The following KAT6A variants were observed in gnomAD, a reference collection of about 807,000 sequenced individuals.
The protein encoded by KAT6A is lysine acetyltransferase 6A, also known as histone acetyltransferase KAT6A.
A neutral mutation model predicts 198.4 loss-of-function variants in KAT6A; 9 were observed. That is an observed-to-expected ratio of 0.05 (90% confidence interval 0.03 to 0.08). The LOEUF is 0.08. KAT6A is among the 10% of genes least tolerant of loss of function. The pLI, the probability that KAT6A is intolerant of heterozygous loss-of-function variation, is 1.00. For missense variants in KAT6A, 2,077 were observed against 2,509.9 expected, an observed-to-expected ratio of 0.83 and a Z score of 3.69; for synonymous variants, 890 against 883.0, an observed-to-expected ratio of 1.01 and a Z score of -0.14.
At chr8:41,960,171 T>A (rs1823130194) in intron 8 of KAT6A, among the ~76,000 whole-genome samples, 1 of 152,062 alleles carries the variant, frequency 6.6e-6, no homozygotes, top group Non-Finnish European at 1.5e-5. Flanking sequence ...TTGGGAGTTG[T>A]TTAATGGGTA....
At chr8:41,955,472 A>G in intron 8 of KAT6A, 61 bp from the exon 9 acceptor site, 2 of 1,050,138 alleles carry the variant, frequency 1.9e-6, no homozygotes, top group South Asian at 1.3e-5. Flanking sequence ...GATAACAAAG[A>G]AAGTTCTGAA....
intron 1 of KAT6A, among the ~76,000 whole-genome samples, chr8:42,051,443 G>C (rs1054745667): frequency 1.1e-4 from 17 of 149,642 alleles, no homozygotes; most frequent in African/African-American, 2.4e-5. Context: ...CGCGAGCGCG[G>C]GGAGAAGCGG....
chr8:42,000,314 G>T (rs1825424449), intron 2 of KAT6A, among the ~76,000 whole-genome samples: 1 of 152,194 alleles, frequency 6.6e-6, no homozygotes, highest in African/African-American at 2.4e-5. Context: ...ACTTTGGGAG[G>T]CTGATGCGGG....
intron 8 of KAT6A, among the ~76,000 whole-genome samples, chr8:41,960,761 C>T (rs1268549210): frequency 6.6e-6 from 1 of 152,038 alleles, no homozygotes; most frequent in African/African-American, 2.4e-5. Flanking sequence ...CTTTTCCATC[C>T]GGAGGACCCA....
chr8:42,011,385 T>C (rs1826008815), intron 2 of KAT6A, among the ~76,000 whole-genome samples: 1 of 152,150 alleles, frequency 6.6e-6, no homozygotes, highest in Admixed American at 6.5e-5. Flanking sequence ...TTCAATAGAC[T>C]AGTAAATGAG....
chr8:42,045,702 G>T (rs930117331), intron 2 of KAT6A, among the ~76,000 whole-genome samples: 24 of 151,844 alleles, frequency 1.6e-4, no homozygotes, highest in African/African-American at 5.8e-4. Context: ...GCCAGGTGCG[G>T]TGGATCATTC....
At chr8:41,971,788 T>C (rs1002503041) in intron 8 of KAT6A, among the ~76,000 whole-genome samples, 4 of 151,930 alleles carry the variant, frequency 2.6e-5, no homozygotes, top group African/African-American at 7.3e-5. Flanking sequence ...GAGGCAATTA[T>C]AGCAGCCTAA....
intron 2 of KAT6A, among the ~76,000 whole-genome samples, chr8:42,045,744 G>A (rs1056059543): frequency 6.6e-6 from 1 of 151,260 alleles, no homozygotes; most frequent in East Asian, 1.9e-4. Flanking sequence ...AGACCGAGGT[G>A]GGCAGGTCGC....
At chr8:42,024,659 C>T (rs1245558678) in intron 2 of KAT6A, among the ~76,000 whole-genome samples, 1 of 152,116 alleles carries the variant, frequency 6.6e-6, no homozygotes, top group Non-Finnish European at 1.5e-5. Context: ...GTTTTTACTC[C>T]CACATATAAG....
At position 41,930,157 on chromosome 8, in the gene KAT6A, C is replaced by T. The variant is rs775515458; in HGVS notation, c.*2048G>A. 8.7e-6 allele frequency: 2 copies of T among 230,666 alleles called. No homozygotes were observed. Among genetic ancestry groups the T allele is most frequent in the Non-Finnish European group, 1.7e-5 (2 of 117,276 alleles). The allele number at this position is 230,666 out of a possible 1,614,324, so 14.3% of individuals were successfully genotyped here. A position where few individuals can be genotyped will look rare whatever the true frequency, so the allele number is the denominator to read the frequency against. Reference sequence around the variant, plus strand: ...AGAAACAAACAAAACCAAACACAACCGCAAACCAACAGAAACTGATTTCAC... The same window carrying T: ...AGAAACAAACAAAACCAAACACAACTGCAAACCAACAGAAACTGATTTCAC... On this transcript the variant is annotated 3_prime_UTR_variant, in exon 17 of 17. Transcript: ENST00000265713.
intron 15 of KAT6A, 150 bp downstream of exon 15, chr8:41,940,692 C>G: frequency 1.1e-6 from 1 of 924,930 alleles, no homozygotes; most frequent in East Asian, 2.4e-5. Context: ...CTGGGAAGAT[C>G]TTGAGCTACA....
intron 8 of KAT6A, among the ~76,000 whole-genome samples, chr8:41,966,078 T>C (rs1324434488): frequency 6.6e-6 from 1 of 152,158 alleles, no homozygotes; most frequent in African/African-American, 2.4e-5. Flanking sequence ...GTTGGGCAAG[T>C]CACTATCAGA....
At chr8:42,040,402 T>A (rs1234981010) in intron 2 of KAT6A, among the ~76,000 whole-genome samples, 3 of 152,086 alleles carry the variant, frequency 2.0e-5, no homozygotes, top group African/African-American at 7.2e-5. Context: ...AAGAGTAAAG[T>A]ACTTATTCGC....
At chr8:41,935,404 G>T (rs1479540256) in intron 16 of KAT6A, among the ~76,000 whole-genome samples, 1 of 152,068 alleles carries the variant, frequency 6.6e-6, no homozygotes, top group African/African-American at 2.4e-5. Flanking sequence ...CATCGTATGT[G>T]AACAGTTGTT....
rs191157111 is a variant in KAT6A at position 41,963,733 on chromosome 8, T to A, written c.1483-8322A>T. Among the ~76,000 whole-genome samples, 311 of 151,868 alleles carry A rather than the reference T, an allele frequency of 2.0e-3. 1 individual carries two copies. The highest frequency in any genetic ancestry group is 3.3e-3 in the Non-Finnish European group (222 of 68,022). On this transcript the variant is annotated intron_variant, in intron 8 of 16. Transcript: ENST00000265713. ...TTTTTAGAAATTCTTTAGCAGTTCC[T>A]CAAGAGCTATTTAGCTACTACTTAA...
At chr8:41,938,763 T>C (rs970405585) in intron 15 of KAT6A, among the ~76,000 whole-genome samples, 5 of 151,824 alleles carry the variant, frequency 3.3e-5, no homozygotes, top group Admixed American at 1.3e-4. Flanking sequence ...CTGAGCAACA[T>C]AGCGAAACCC....
At chr8:41,940,198 G>A (rs2150860801) in intron 15 of KAT6A, among the ~76,000 whole-genome samples, 1 of 152,318 alleles carries the variant, frequency 6.6e-6, no homozygotes, top group South Asian at 2.1e-4. Context: ...GATGTTTCTG[G>A]TAAACGGCTT....
chr8:42,012,509 C>A (rs1307113317), intron 2 of KAT6A, among the ~76,000 whole-genome samples: 2 of 152,118 alleles, frequency 1.3e-5, no homozygotes, highest in African/African-American at 2.4e-5. Context: ...TGTGAAGAGG[C>A]AGAGATGGGA....
chr8:42,048,509 G>T lies in KAT6A; in HGVS notation c.469C>A (p.His157Asn). 6.2e-7 allele frequency: 1 copy of T among 1,614,114 alleles called. No homozygotes were observed. The highest frequency in any genetic ancestry group is 8.5e-7 in the Non-Finnish European group (1 of 1,180,026). Residue 157 changes from histidine to asparagine, a missense_variant, in exon 2 of 17, where the codon CAC becomes AAC. This residue lies in a region of KAT6A where 185 missense variants were observed against 185.7 expected (regional missense o/e 1.00). Transcript: ENST00000265713. ...GGTCCATCTTTAAGGAGTCTGCCGT[G>T]GCCAATGGCACGTTTGATAGCCAAT... ...LRLAIKRAIG[H>N]GRLLKDGPLY...
Sources: allele counts gnomAD v4.1 joint callset (sites outside exome capture counted in the v4.1 genomes callset), GRCh38; gene constraint gnomAD v4.1.1; regional missense constraint gnomAD v4.1.1; transcripts MANE v1.5; gene names NCBI Gene and HGNC (gene_info 2026-07-23, HGNC 2026-07-21).